DDHD1: variants seen among roughly 807,000 people sequenced by gnomAD.
DDHD1 encodes phospholipase DDHD1.
In DDHD1, 49 loss-of-function variants were observed where a neutral mutation model predicts 96.4. That is an observed-to-expected ratio of 0.51 (90% CI 0.40 to 0.64). The LOEUF is 0.64. DDHD1 is among the 30% of genes least tolerant of loss of function. The probability of loss-of-function intolerance (pLI) is 0.00; values close to 1 mark genes in which losing one functional copy is unlikely to be tolerated. For missense variants in DDHD1, 1,106 were observed against 1,161.2 expected (o/e 0.95, Z 0.69); for synonymous variants, 442 against 446.5 (o/e 0.99, Z 0.13).
intron 1 of DDHD1, among the ~76,000 whole-genome samples, chr14:53,128,880 C>T (rs990341146): frequency 1.3e-5 from 2 of 152,210 alleles, no homozygotes; most frequent in Non-Finnish European, 2.9e-5. Context: ...CCCACCCTAA[C>T]TGATCAACTG....
intron 6 of DDHD1, among the ~76,000 whole-genome samples, chr14:53,068,987 T>C (rs1418712846): frequency 1.3e-5 from 2 of 152,236 alleles, no homozygotes; most frequent in African/African-American, 4.8e-5. Context: ...GGATTCTCCT[T>C]TCTCCCCATT....
rs762987203 is a variant in DDHD1, at chr14:53,040,830, G to T, written c.*5938C>A. On this transcript the variant is annotated 3_prime_UTR_variant, in exon 13 of 13. Coordinates refer to ENST00000673822, the MANE Select transcript of DDHD1 (RefSeq NM_001160148.2). ...TGACAACATTTAGTAGTGTTAGAGA[G>T]AGTGAACATAAGAAGTCATAGGAGC... The T allele has an allele frequency of 6.6e-6, 1 of 152,104 alleles. No individual in the cohort carries two copies. Among genetic ancestry groups the T allele is most frequent in the Non-Finnish European group, 1.5e-5 (1 of 68,022 alleles). 9.4% of individuals were successfully genotyped at this position (152,104 alleles called of 1,614,324 possible). A position where few individuals can be genotyped will look rare whatever the true frequency, so the allele number is the denominator to read the frequency against.
At position 53,062,184 on chromosome 14, in the gene DDHD1, A is replaced by G. The variant is rs770775488; in HGVS notation, c.1766+759T>C. Among the ~76,000 whole-genome samples, 81 of 151,962 alleles carry G rather than the reference A, an allele frequency of 5.3e-4. 1 individual carries two copies. Among genetic ancestry groups the G allele is most frequent in the Middle Eastern group, 3.4e-3 (1 of 294 alleles). On this transcript the variant is annotated intron_variant, in intron 7 of 12. Transcript: ENST00000673822. ...CAAACCTGTCAATTATTTTGACACT[A>G]TAATATTTGTGTGTCTAGCCTATGG... is the stretch of plus-strand genomic sequence containing the variant.
intron 1 of DDHD1, among the ~76,000 whole-genome samples, chr14:53,141,448 G>A (rs1890635562): frequency 6.6e-6 from 1 of 152,166 alleles, no homozygotes. Context: ...CTATTAAAGA[G>A]GAAGATTGTC....
At chr14:53,151,693 C>A (rs919472348) in intron 1 of DDHD1, among the ~76,000 whole-genome samples, 1 of 152,170 alleles carries the variant, frequency 6.6e-6, no homozygotes, top group Non-Finnish European at 1.5e-5. Flanking sequence ...AGTATTCCAC[C>A]GAGGGAGCGG....
chr14:53,073,374 G>C (rs1884688695), intron 5 of DDHD1, among the ~76,000 whole-genome samples: 1 of 151,968 alleles, frequency 6.6e-6, no homozygotes, highest in Non-Finnish European at 1.5e-5. Context: ...AAAAATGTAA[G>C]CTCGTATGGA....
Position 53,046,410 on chromosome 14 carries a change from T to C in DDHD1, c.*358A>G, listed in dbSNP as rs183766440. The C allele has an allele frequency of 3.8e-5, 6 of 157,160 alleles. No homozygotes were observed. In the East Asian group the frequency reaches 1.1e-3, roughly 29 times the overall value. 9.7% of individuals were successfully genotyped at this position (157,160 alleles called of 1,614,324 possible). A position where few individuals can be genotyped will look rare whatever the true frequency, so the allele number is the denominator to read the frequency against. The stretch of plus-strand genomic sequence containing the variant: ...TGCTGAACCTTGACCATTTTTGATT[T>C]ATAACATACTTTGGTTAATACATTA... On this transcript the variant is annotated 3_prime_UTR_variant, in exon 13 of 13. Transcript: ENST00000673822.
chr14:53,065,898 T>C (rs1404299763), intron 6 of DDHD1, among the ~76,000 whole-genome samples: 1 of 152,200 alleles, frequency 6.6e-6, no homozygotes, highest in African/African-American at 2.4e-5. Context: ...ACCTTTACTT[T>C]TTAGAGTTAA....
intron 12 of DDHD1, 81 bp from the exon 13 acceptor site, chr14:53,047,030 A>C: frequency 1.8e-6 from 2 of 1,134,550 alleles, no homozygotes; most frequent in Non-Finnish European, 2.3e-6. Flanking sequence ...GTTGAGAGTA[A>C]AAATTTAGCT....
chr14:53,152,845 C>G lies in DDHD1; in HGVS notation c.254G>C (p.Ser85Thr), dbSNP rs772302393. ...NHHLALDPCL[S>T]DENYDFSSAE... The stretch of plus-strand genomic sequence containing the variant: ...GGAGCTGAAGTCATAGTTCTCGTCA[C>G]TGAGGCAGGGGTCCAGCGCGAGGTG... The change falls in exon 1 of 13, where the codon AGT (serine) becomes ACT (threonine). Residue 85 changes from serine to threonine, a missense_variant. Ser to Thr is a moderately conservative substitution (Grantham distance 58). Coordinates refer to ENST00000673822, the MANE Select transcript of DDHD1 (RefSeq NM_001160148.2). 1.2e-6 allele frequency: 2 copies of G among 1,612,322 alleles called. No homozygotes were observed. Among genetic ancestry groups the G allele is most frequent in the South Asian group, 2.2e-5 (2 of 90,978 alleles).
intron 4 of DDHD1, among the ~76,000 whole-genome samples, chr14:53,086,484 T>TG (rs1237061492): frequency 6.6e-6 from 1 of 152,108 alleles, no homozygotes; most frequent in Non-Finnish European, 1.5e-5. Flanking sequence ...CAGAAGAGAG[T>TG]GGGGGCCAAT....
intron 1 of DDHD1, among the ~76,000 whole-genome samples, chr14:53,147,490 G>A (rs149083565): frequency 1.1e-3 from 168 of 152,302 alleles, no homozygotes; most frequent in African/African-American, 3.5e-3. Context: ...TATTAGATCC[G>A]TTTTTAAAGT....
chr14:53,131,547 C>T (rs1422949188), intron 1 of DDHD1, among the ~76,000 whole-genome samples: 1 of 152,082 alleles, frequency 6.6e-6, no homozygotes, highest in Non-Finnish European at 1.5e-5. Flanking sequence ...CTCAAACATG[C>T]TTTCTTTATT....
intron 7 of DDHD1, among the ~76,000 whole-genome samples, chr14:53,062,075 C>CT (rs762439763): frequency 1.2e-4 from 17 of 145,264 alleles, no homozygotes; most frequent in East Asian, 6.1e-4. Flanking sequence ...ATTTTCCATG[C>CT]TTTTTTTTTC....
chr14:53,123,407 CA>C (rs1250681712), intron 1 of DDHD1, among the ~76,000 whole-genome samples: 1 of 152,014 alleles, frequency 6.6e-6, no homozygotes, highest in Non-Finnish European at 1.5e-5. Context: ...CTCGGCCACC[CA>C]AAGTGCTGGG....
At chr14:53,141,634 G>C (rs116364178) in intron 1 of DDHD1, among the ~76,000 whole-genome samples, 90 of 152,290 alleles carry the variant, frequency 5.9e-4, no homozygotes, top group African/African-American at 2.0e-3. Flanking sequence ...GAATCCAACA[G>C]AGGCAATCAG....
rs568263855 is a variant in DDHD1, at chr14:53,129,648, CCT to C, written c.838+22611_838+22612del. ...ACCACCCTCCCGCCCATGTCTCTACCCTCTCTTTTCTCTGGGCTTGCCTCTTT... is the reference window on the plus strand; with the variant it reads ...ACCACCCTCCCGCCCATGTCTCTACCCTCTTTTCTCTGGGCTTGCCTCTTT... On this transcript the variant is annotated intron_variant, in intron 1 of 12. Transcript: ENST00000673822. Among the ~76,000 whole-genome samples, 9 of 152,254 alleles carry C rather than the reference CCT, an allele frequency of 5.9e-5. No individual in the cohort carries two copies. The South Asian group carries it at 1.9e-3, about 32-fold the overall frequency.
intron 1 of DDHD1, among the ~76,000 whole-genome samples, chr14:53,143,589 G>A (rs915872925): frequency 7.2e-5 from 11 of 152,118 alleles, no homozygotes; most frequent in East Asian, 3.9e-4. Flanking sequence ...ATTGGCTAGC[G>A]ACTTAGAACT....
chr14:53,153,253 C>A lies in DDHD1; in HGVS notation c.-155G>T, dbSNP rs372126740. On this transcript the variant is annotated 5_prime_UTR_variant, in exon 1 of 13. Coordinates refer to ENST00000673822, the MANE Select transcript of DDHD1 (RefSeq NM_001160148.2). ...GCGGCAGCGGCGACCGCTCCGCCCC[C>A]ACGAGACCCGCAGCCGCCGCAGCTG... is the stretch of plus-strand genomic sequence containing the variant. 2.5e-4 allele frequency: 150 copies of A among 605,064 alleles called. No homozygotes were observed. In the South Asian group the frequency reaches 2.9e-3, roughly 12 times the overall value. The allele number at this position is 605,064 out of a possible 1,614,324, so 37.5% of individuals were successfully genotyped here.
Sources: allele counts gnomAD v4.1 joint callset (sites outside exome capture counted in the v4.1 genomes callset), GRCh38; gene constraint gnomAD v4.1.1; transcripts MANE v1.5; gene names NCBI Gene and HGNC (gene_info 2026-07-23, HGNC 2026-07-21).